IRF5: variants seen among roughly 807,000 people sequenced by gnomAD.
IRF5 encodes interferon regulatory factor 5.
A neutral mutation model predicts 55.1 loss-of-function variants in IRF5; 24 were observed. The ratio of observed to expected loss-of-function variants is 0.44; its 90% CI spans 0.32 to 0.61. The LOEUF is 0.61. Among genes scored for constraint, IRF5 ranks in the 20% least tolerant of loss-of-function variants. The pLI, the probability that IRF5 is intolerant of heterozygous loss-of-function variation, is 0.07. For missense variants in IRF5, 499 were observed against 658.5 expected, an observed-to-expected ratio of 0.76 and a Z score of 2.65; for synonymous variants, 258 against 260.2, an observed-to-expected ratio of 0.99 and a Z score of 0.08.
intron 1 of IRF5, among the ~76,000 whole-genome samples, chr7:128,941,715 T>C (rs1311512517): frequency 6.6e-6 from 1 of 152,168 alleles, no homozygotes; most frequent in African/African-American, 2.4e-5. Flanking sequence ...GGCTGTGGGC[T>C]GCCCCCCAAG....
In IRF5 at chr7:128,946,367, C is replaced by A; in HGVS notation, c.386-134C>A. On this transcript the variant is annotated intron_variant, in intron 3 of 8. Transcript: ENST00000357234. The surrounding 1 kb of genome is among the most constrained non-coding windows in gnomAD (Gnocchi z 4.2). ...CCAATCCTGGTGGCTGTGCCCTCCA[C>A]CTCGCCCTGTGTTGGGGGCAGCTTT... is the stretch of plus-strand genomic sequence containing the variant. 1 of 1,110,164 alleles carries A rather than the reference C, an allele frequency of 9.0e-7. No individual in the cohort carries two copies. The highest frequency in any genetic ancestry group is 1.3e-6 in the Non-Finnish European group (1 of 773,754). 68.8% of individuals were successfully genotyped at this position (1,110,164 alleles called of 1,614,324 possible).
Position 128,945,873 on chromosome 7 carries a change from C to A in IRF5, c.224C>A (p.Thr75Asn). 8 of 1,612,792 alleles carry A rather than the reference C, an allele frequency of 5.0e-6. No homozygotes were observed. The highest frequency in any genetic ancestry group is 5.9e-6 in the Non-Finnish European group (7 of 1,179,656). Residue 75 changes from threonine to asparagine, a missense_variant, in exon 3 of 9, where the codon ACC (threonine) becomes AAC (asparagine). Physicochemically the swap from Thr to Asn is moderately conservative, Grantham distance 65. Coordinates refer to ENST00000357234, the MANE Select transcript of IRF5 (RefSeq NM_001098629.3). ...KAWAKETGKY[T>N]EGVDEADPAK... ...TGGGCCAAGGAGACAGGGAAATACA[C>A]CGAAGGCGTGGATGAAGCCGATCCG... is the stretch of plus-strand genomic sequence containing the variant.
In IRF5 at chr7:128,948,824, C is replaced by A; in HGVS notation, c.*6C>A. ...ACCCAGCTGGCATGCAATAACAAGGCTGCAGACGGTGACTGGCCCTGGCTT... is the reference window on the plus strand; with the variant it reads ...ACCCAGCTGGCATGCAATAACAAGGATGCAGACGGTGACTGGCCCTGGCTT... On this transcript the variant is annotated 3_prime_UTR_variant, in exon 9 of 9. Transcript: ENST00000357234. The surrounding 1 kb of genome is among the most constrained non-coding windows in gnomAD (Gnocchi z 4.6). The A allele has an allele frequency of 1.3e-6, 2 of 1,597,518 alleles. No homozygotes were observed. Among genetic ancestry groups the A allele is most frequent in the South Asian group, 2.2e-5 (2 of 90,956 alleles).
At chr7:128,945,727 GGCTCA>G (rs1796263045) in intron 2 of IRF5, 113 bp from the exon 3 acceptor site, 2 of 979,626 alleles carry the variant, frequency 2.0e-6, no homozygotes, top group Non-Finnish European at 2.9e-6. Flanking sequence ...GGCTCAGCGA[GGCTCA>G]GCCTGTAGCC....
intron 1 of IRF5, among the ~76,000 whole-genome samples, chr7:128,938,497 C>T (rs1364760614): frequency 9.2e-5 from 14 of 152,214 alleles, no homozygotes; most frequent in Non-Finnish European, 8.8e-5. Context: ...ACTTTCGATG[C>T]ACTCGCCCTT....
At chr7:128,941,782 C>G (rs1030771143) in intron 1 of IRF5, among the ~76,000 whole-genome samples, 1 of 152,260 alleles carries the variant, frequency 6.6e-6, no homozygotes, top group East Asian at 1.9e-4. Context: ...CTCTGGCCAA[C>G]GGGCTGCTTG....
Position 128,947,238 on chromosome 7 carries a change from C to G in IRF5, c.490C>G (p.Gln164Glu), listed in dbSNP as rs757464097. 6.2e-7 allele frequency: 1 copy of G among 1,604,086 alleles called. No individual in the cohort carries two copies. The change falls in exon 6 of 9, where the codon CAG becomes GAG. Residue 164 changes from glutamine (Q) to glutamate (E), a missense_variant. Coordinates refer to ENST00000357234, the MANE Select transcript of IRF5 (RefSeq NM_001098629.3). The surrounding 1 kb of genome is among the most constrained non-coding windows in gnomAD (Gnocchi z 6.5). ...ACACGCACTCTCTGTAGATGCAGTG[C>G]AGTCTGGCCCCCACATGACACCCTA... ...LPSLSLTDAV[Q>E]SGPHMTPYSL... is the part of the protein sequence containing the mutation.
rs760237069 is a variant in IRF5, at chr7:128,947,060, G to T, written c.481+4G>T. The T allele has an allele frequency of 1.2e-6, 2 of 1,614,034 alleles. No individual in the cohort carries two copies. The highest frequency in any genetic ancestry group is 1.7e-6 in the Non-Finnish European group (2 of 1,180,014). The stretch of plus-strand genomic sequence containing the variant: ...TTGCCAAGCCTGAGCCTCACAGGTG[G>T]GGCCGGGAGGTGGTGGTTGGGGGTC... On this transcript the variant is annotated splice_donor_region_variant and intron_variant, in intron 5 of 8. Coordinates refer to ENST00000357234, the MANE Select transcript of IRF5 (RefSeq NM_001098629.3). This position sits in a 1 kb window ranked among gnomAD's most constrained non-coding sequence, Gnocchi z 6.5.
intron 1 of IRF5, chr7:128,940,876 G>A (rs1246533174): frequency 6.6e-6 from 1 of 152,444 alleles, no homozygotes; most frequent in Admixed American, 6.5e-5. Flanking sequence ...ACCCCAAAAG[G>A]TACTGGGCAG....
In IRF5 at chr7:128,938,687, G is replaced by A. The variant is rs372210859; in HGVS notation, c.-12+638G>A. Among the ~76,000 whole-genome samples the A allele has an allele frequency of 3.9e-5, 6 of 152,310 alleles. No individual in the cohort carries two copies. In the East Asian group the frequency reaches 1.2e-3, roughly 29 times the overall value. On this transcript the variant is annotated intron_variant, in intron 1 of 8. Transcript: ENST00000357234. The stretch of plus-strand genomic sequence containing the variant: ...GGCAGACTCTCGTCCCCCGAGCAGC[G>A]GAAAAGGATGGGGCGCAATAGTTCC...
Position 128,942,200 on chromosome 7 carries a change from A to G in IRF5, c.119A>G (p.Lys40Arg). ...YPGLQWVNGE[K>R]KLFCIPWRHA... ...GGGCTTCAATGGGTCAACGGGGAAAAGAAATTATTCTGCATCCCCTGGAGG... is the reference window on the plus strand; with the variant it reads ...GGGCTTCAATGGGTCAACGGGGAAAGGAAATTATTCTGCATCCCCTGGAGG... The change falls in exon 2 of 9, where the codon AAG (lysine) becomes AGG (arginine). Residue 40 changes from lysine (K) to arginine (R), a missense_variant. Lys to Arg is a conservative substitution (Grantham distance 26). Coordinates refer to ENST00000357234, the MANE Select transcript of IRF5 (RefSeq NM_001098629.3). 6.2e-7 allele frequency: 1 copy of G among 1,614,092 alleles called. No homozygotes were observed. The highest frequency in any genetic ancestry group is 8.5e-7 in the Non-Finnish European group (1 of 1,179,988).
intron 2 of IRF5, 73 bp from the exon 3 acceptor site, chr7:128,945,772 A>T: frequency 7.0e-7 from 1 of 1,424,722 alleles, no homozygotes; most frequent in Non-Finnish European, 9.6e-7. Context: ...AGAGTCTCCT[A>T]TGGGACAGGA....
Position 128,949,163 on chromosome 7 carries a change from G to A in IRF5, c.*345G>A, listed in dbSNP as rs1255430713. 7.6e-6 allele frequency: 2 copies of A among 264,510 alleles called. No individual in the cohort carries two copies. Among genetic ancestry groups the A allele is most frequent in the Non-Finnish European group, 1.5e-5 (2 of 137,236 alleles). 16.4% of individuals were successfully genotyped at this position (264,510 alleles called of 1,614,324 possible). On this transcript the variant is annotated 3_prime_UTR_variant, in exon 9 of 9. Transcript: ENST00000357234. Reference sequence around the variant, plus strand: ...ATTTCCTCTGGCAACAAAAGCCAGAGTGTTGTGGGCCAAGTCCCCCCACAG... The same window carrying A: ...ATTTCCTCTGGCAACAAAAGCCAGAATGTTGTGGGCCAAGTCCCCCCACAG...
chr7:128,946,563 G>T lies in IRF5; in HGVS notation c.447+1G>T. 2 of 1,591,564 alleles carry T rather than the reference G, an allele frequency of 1.3e-6. No homozygotes were observed. The highest frequency in any genetic ancestry group is 2.3e-5 in the South Asian group (2 of 88,604). On this transcript the variant is annotated splice_donor_variant, in intron 4 of 8. Transcript: ENST00000357234. LOFTEE classifies it high-confidence loss of function. This position sits in a 1 kb window ranked among gnomAD's most constrained non-coding sequence, Gnocchi z 4.2. ...AGAGGAGGAGGAAGAAGAGGAAGAGGTGAGTGTGGGTTGAGGAGGCAGGTG... is the reference window on the plus strand; with the variant it reads ...AGAGGAGGAGGAAGAAGAGGAAGAGTTGAGTGTGGGTTGAGGAGGCAGGTG...
rs1460457667 is a variant in IRF5 at position 128,946,064 on chromosome 7, T to G, written c.385+30T>G. The G allele has an allele frequency of 6.5e-7, 1 of 1,543,756 alleles. No individual in the cohort carries two copies. The highest frequency in any genetic ancestry group is 2.1e-5 in the Admixed American group (1 of 46,798). ...CAGGCCTAGCCCTCTGTGGGCCACC[T>G]GGGAGGCTGTGCAATGTCCTGGCCC... is the stretch of plus-strand genomic sequence containing the variant. On this transcript the variant is annotated intron_variant, in intron 3 of 8. Transcript: ENST00000357234. This position sits in a 1 kb window ranked among gnomAD's most constrained non-coding sequence, Gnocchi z 4.2.
rs763555785 is a variant in IRF5, at chr7:128,947,578, T to C, written c.787+43T>C. 2 of 1,524,830 alleles carry C rather than the reference T, an allele frequency of 1.3e-6. No individual in the cohort carries two copies. Among genetic ancestry groups the C allele is most frequent in the African/African-American group, 1.4e-5 (1 of 72,364 alleles). 94.5% of individuals were successfully genotyped at this position (1,524,830 alleles called of 1,614,324 possible). The stretch of plus-strand genomic sequence containing the variant: ...GGCACGGGGAAGCAGTGCTGGGGGA[T>C]TGGGGTAGGATTGGCAAGGAGGGTG... On this transcript the variant is annotated intron_variant, in intron 6 of 8. Transcript: ENST00000357234. This position sits in a 1 kb window ranked among gnomAD's most constrained non-coding sequence, Gnocchi z 6.5.
intron 1 of IRF5, among the ~76,000 whole-genome samples, chr7:128,939,316 G>T (rs1046917991): frequency 6.6e-6 from 1 of 152,122 alleles, no homozygotes; most frequent in Non-Finnish European, 1.5e-5. Context: ...CTACTTTGGG[G>T]TTTTTCCCCT....
intron 1 of IRF5, chr7:128,940,592 C>T (rs944088898): frequency 1.3e-5 from 2 of 153,248 alleles, no homozygotes; most frequent in African/African-American, 2.4e-5. Flanking sequence ...CTCCCTCCCT[C>T]AGCCCACAGT....
intron 1 of IRF5, among the ~76,000 whole-genome samples, chr7:128,941,850 C>T (rs1394646913): frequency 2.6e-5 from 4 of 152,192 alleles, no homozygotes; most frequent in African/African-American, 7.2e-5. Flanking sequence ...CCTGGGGCCG[C>T]GCCCGCAGCA....
Sources: allele counts gnomAD v4.1 joint callset (sites outside exome capture counted in the v4.1 genomes callset), GRCh38; gene constraint gnomAD v4.1.1; non-coding constraint Gnocchi (gnomAD v3.1); transcripts MANE v1.5; gene names NCBI Gene and HGNC (gene_info 2026-07-23, HGNC 2026-07-21).